ABLIM2: variants seen among roughly 807,000 people sequenced by gnomAD.
ABLIM2 encodes actin binding LIM protein family member 2, also known as actin-binding LIM protein 2.
ABLIM2 carries 53 observed loss-of-function variants against 97.7 expected under a neutral mutation model. The observed-to-expected ratio is 0.54, with a 90% CI of 0.44 to 0.68. The LOEUF (loss-of-function observed/expected upper bound fraction) is 0.68. ABLIM2 is among the 30% of genes least tolerant of loss of function. The pLI is 0.00. For missense variants in ABLIM2, 835 were observed against 867.2 expected, an observed-to-expected ratio of 0.96 and a Z score of 0.47; for synonymous variants, 361 against 345.8, an observed-to-expected ratio of 1.04 and a Z score of -0.49.
At chr4:8,045,100 C>G in intron 9 of ABLIM2, 64 bp downstream of exon 9, 1 of 1,485,052 alleles carries the variant, frequency 6.7e-7, no homozygotes, top group Non-Finnish European at 9.4e-7. Flanking sequence ...TTAGCCACGG[C>G]CACCGGGCCC....
chr4:8,078,627 G>C (rs967783730), intron 5 of ABLIM2, among the ~76,000 whole-genome samples: 1 of 152,206 alleles, frequency 6.6e-6, no homozygotes, highest in Admixed American at 6.5e-5. Flanking sequence ...GGGAGGCGCT[G>C]CTCTGCTGAG....
In ABLIM2 at chr4:8,015,054, G is replaced by A. The variant is rs769943473; in HGVS notation, c.1423+4564C>T. ...TCGTACTTCAGCCTCCCGAGTAGCTGGGATTACAGGCGCCGGCCACCACAC... is the reference window on the plus strand; with the variant it reads ...TCGTACTTCAGCCTCCCGAGTAGCTAGGATTACAGGCGCCGGCCACCACAC... On this transcript the variant is annotated intron_variant, in intron 14 of 20. Transcript: ENST00000447017. This position sits in a 1 kb window ranked among gnomAD's most constrained non-coding sequence, Gnocchi z 4.6. Among the ~76,000 whole-genome samples, 2 of 152,026 alleles carry A rather than the reference G, an allele frequency of 1.3e-5. No individual in the cohort carries two copies. Among genetic ancestry groups the A allele is most frequent in the Non-Finnish European group, 2.9e-5 (2 of 68,012 alleles).
intron 12 of ABLIM2, among the ~76,000 whole-genome samples, chr4:8,024,320 C>T (rs1178043735): frequency 6.6e-6 from 1 of 152,114 alleles, no homozygotes; most frequent in Non-Finnish European, 1.5e-5. Context: ...GAAATTCACA[C>T]AAAAGTGCCC....
chr4:8,025,480 A>G (rs1776714538), intron 12 of ABLIM2, among the ~76,000 whole-genome samples: 1 of 152,088 alleles, frequency 6.6e-6, no homozygotes, highest in South Asian at 2.1e-4. Context: ...CTCCTCTGCT[A>G]CAAGGCGTGG....
chr4:8,108,031 T>C lies in ABLIM2; in HGVS notation c.11-1394A>G, dbSNP rs547248135. The stretch of plus-strand genomic sequence containing the variant: ...AGAGTCCTCAGAAGAAACCAGCCCT[T>C]CTCACACCTTGATTTTAGCCCAGCA... On this transcript the variant is annotated intron_variant, in intron 1 of 20. Transcript: ENST00000447017. Among the ~76,000 whole-genome samples, 6 of 152,290 alleles carry C rather than the reference T, an allele frequency of 3.9e-5. No homozygotes were observed. The East Asian group carries it at 1.2e-3, about 29-fold the overall frequency.
intron 1 of ABLIM2, among the ~76,000 whole-genome samples, chr4:8,118,872 A>G (rs185265946): frequency 3.6e-4 from 55 of 152,192 alleles, no homozygotes; most frequent in Non-Finnish European, 6.5e-4. Context: ...TCTGCACTGG[A>G]GGCTTCAGGA....
rs1437413953 is a variant in ABLIM2, at chr4:8,023,087, CT to C, written c.1268-2785del. ...TCCTCTTCCTCCTCCCCCTCCTCTCCTCTTCCATTTTTAAAAATTTCAGTAA... is the reference window on the plus strand; with the variant it reads ...TCCTCTTCCTCCTCCCCCTCCTCTCCCTTCCATTTTTAAAAATTTCAGTAA... On this transcript the variant is annotated intron_variant, in intron 12 of 20. Transcript: ENST00000447017. This position sits in a 1 kb window ranked among gnomAD's most constrained non-coding sequence, Gnocchi z 5.7. 6.6e-6 allele frequency: 1 copy of C among 152,500 alleles called. No individual in the cohort carries two copies. Among genetic ancestry groups the C allele is most frequent in the Non-Finnish European group, 1.5e-5 (1 of 68,240 alleles). The allele number at this position is 152,500 out of a possible 1,614,324, so 9.4% of individuals were successfully genotyped here.
At chr4:8,096,468 T>A (rs142634387) in intron 3 of ABLIM2, among the ~76,000 whole-genome samples, 5 of 152,250 alleles carry the variant, frequency 3.3e-5, no homozygotes, top group African/African-American at 1.2e-4. Context: ...ACAGAGCGAC[T>A]CTCCCTAGAC....
intron 18 of ABLIM2, 35 bp downstream of exon 18, chr4:7,984,804 C>G (rs756329812): frequency 6.4e-7 from 1 of 1,559,634 alleles, no homozygotes; most frequent in East Asian, 2.4e-5. Context: ...ACCCCTGCCC[C>G]AGCCAGAGAC....
rs1420075343 is a variant in ABLIM2 at position 8,125,101 on chromosome 4, G to A, written c.11-18464C>T. 1.3e-5 allele frequency among the ~76,000 whole-genome samples: 2 copies of A among 152,072 alleles called. No individual in the cohort carries two copies. The highest frequency in any genetic ancestry group is 2.9e-5 in the Non-Finnish European group (2 of 68,026). On this transcript the variant is annotated intron_variant, in intron 1 of 20. Coordinates refer to ENST00000447017, the MANE Select transcript of ABLIM2 (RefSeq NM_001130083.2). This position sits in a 1 kb window ranked among gnomAD's most constrained non-coding sequence, Gnocchi z 6.2. ...TAGGATTGAGGGATGAGAGTTATTC[G>A]TATATTCGAGATACAAGTCCCGTGT...
At chr4:7,975,212 T>C (rs1388816410) in intron 20 of ABLIM2, among the ~76,000 whole-genome samples, 1 of 152,142 alleles carries the variant, frequency 6.6e-6, no homozygotes, top group East Asian at 1.9e-4. Context: ...AGTGAGACCC[T>C]GTCTCAAAAA....
chr4:8,101,543 C>A (rs948195074), intron 2 of ABLIM2, among the ~76,000 whole-genome samples: 2 of 152,212 alleles, frequency 1.3e-5, no homozygotes, highest in Non-Finnish European at 2.9e-5. Context: ...ATTTATAGTC[C>A]CAGATGGATG....
At position 8,045,174 on chromosome 4, in the gene ABLIM2, C is replaced by T. The variant is rs767775952; in HGVS notation, c.890G>A (p.Arg297His). The T allele has an allele frequency of 2.4e-5, 38 of 1,613,672 alleles. No homozygotes were observed. Among genetic ancestry groups the T allele is most frequent in the South Asian group, 1.9e-4 (17 of 91,074 alleles). ...PASSTSGSPS[R>H]VIYAKLGGEI... ...AAGGCCCTGACTTACATAAATCACACGGCTCGGAGACCCTGAGGTGCTGGA... is the reference window on the plus strand; with the variant it reads ...AAGGCCCTGACTTACATAAATCACATGGCTCGGAGACCCTGAGGTGCTGGA... Residue 297 changes from arginine (R) to histidine (H), a missense_variant, in exon 9 of 21, where the codon CGT becomes CAT. Transcript: ENST00000447017.
chr4:8,032,567 G>C lies in ABLIM2; in HGVS notation c.1048-2791C>G. ...AGAGCCACCGAGGAGGCCCTTCCCG[G>C]GAGTGCGGCTGGGTGGTTATGTTTA... On this transcript the variant is annotated intron_variant, in intron 10 of 20. Transcript: ENST00000447017. This position sits in a 1 kb window ranked among gnomAD's most constrained non-coding sequence, Gnocchi z 4.3. 6.3e-7 allele frequency: 1 copy of C among 1,583,328 alleles called. No homozygotes were observed. The highest frequency in any genetic ancestry group is 8.6e-7 in the Non-Finnish European group (1 of 1,156,270).
chr4:8,070,151 G>A (rs774274473), intron 6 of ABLIM2, among the ~76,000 whole-genome samples: 33 of 151,492 alleles, frequency 2.2e-4, no homozygotes, highest in Admixed American at 7.2e-4. Flanking sequence ...GTGTGTGTAC[G>A]TCTGTGTGTG....
Position 8,001,454 on chromosome 4 carries a change from A to G in ABLIM2, c.1618+6605T>C, listed in dbSNP as rs1011335557. 1.3e-5 allele frequency among the ~76,000 whole-genome samples: 2 copies of G among 152,136 alleles called. No homozygotes were observed. Among genetic ancestry groups the G allele is most frequent in the African/African-American group, 4.8e-5 (2 of 41,448 alleles). ...GGCAGCGGCTGCTCCCTGGGGCTCC[A>G]GAGCCCAGCATGCTCTGCCTGGGGC... On this transcript the variant is annotated intron_variant, in intron 16 of 20. Transcript: ENST00000447017. This position sits in a 1 kb window ranked among gnomAD's most constrained non-coding sequence, Gnocchi z 4.2.
rs772972448 is a variant in ABLIM2 at position 8,005,329 on chromosome 4, T to C, written c.1618+2730A>G. On this transcript the variant is annotated intron_variant, in intron 16 of 20. Transcript: ENST00000447017. The surrounding 1 kb of genome is among the most constrained non-coding windows in gnomAD (Gnocchi z 4.9). ...AGAGTGGGTGCTCAATAAATACCCG[T>C]TGAATGTAACGCATTTCAATTCAAC... 2 of 533,128 alleles carry C rather than the reference T, an allele frequency of 3.8e-6. No individual in the cohort carries two copies. The highest frequency in any genetic ancestry group is 7.7e-6 in the Non-Finnish European group (2 of 259,942). 33.0% of individuals were successfully genotyped at this position (533,128 alleles called of 1,614,324 possible).
Position 8,072,613 on chromosome 4 carries a change from G to A in ABLIM2, c.675+5015C>T, listed in dbSNP as rs963393935. On this transcript the variant is annotated intron_variant, in intron 6 of 20. Transcript: ENST00000447017. The surrounding 1 kb of genome is among the most constrained non-coding windows in gnomAD (Gnocchi z 5.8). The stretch of plus-strand genomic sequence containing the variant: ...AACCTGCATCTGTGCACCAGGAGAA[G>A]ACAAAGGGTTGGGGGAAACCTGCGC... Among the ~76,000 whole-genome samples, 1 of 152,360 alleles carries A rather than the reference G, an allele frequency of 6.6e-6. No homozygotes were observed. Among genetic ancestry groups the A allele is most frequent in the East Asian group, 1.9e-4 (1 of 5,188 alleles).
chr4:8,093,972 G>T (rs966120390), intron 3 of ABLIM2, among the ~76,000 whole-genome samples: 1 of 152,150 alleles, frequency 6.6e-6, no homozygotes, highest in Admixed American at 6.5e-5. Context: ...TAGAGAAATA[G>T]ATCTACATCC....
Sources: allele counts gnomAD v4.1 joint callset (sites outside exome capture counted in the v4.1 genomes callset), GRCh38; gene constraint gnomAD v4.1.1; non-coding constraint Gnocchi (gnomAD v3.1); transcripts MANE v1.5; gene names NCBI Gene and HGNC (gene_info 2026-07-23, HGNC 2026-07-21).